Variants in AGMO observed in about 807,000 individuals in gnomAD.
AGMO encodes the protein alkylglycerol monooxygenase, also known as glyceryl-ether monooxygenase.
In AGMO, 75 loss-of-function variants were observed where a neutral mutation model predicts 60.2. The ratio of observed to expected loss-of-function variants is 1.25; its 90% CI spans 1.03 to 1.51. The LOEUF (loss-of-function observed/expected upper bound fraction) is 1.51. Ranked by LOEUF, AGMO falls within the 40% of genes most tolerant of loss-of-function variation. The pLI is 0.00. For synonymous variants in AGMO, 261 were observed against 177.1 expected (o/e 1.47, Z -3.76); for missense variants, 763 against 525.5 (o/e 1.45, Z -4.42).
At chr7:15,536,440 T>C (rs1437683948) in intron 3 of AGMO, among the ~76,000 whole-genome samples, 1 of 152,002 alleles carries the variant, frequency 6.6e-6, no homozygotes, top group Admixed American at 6.6e-5. Flanking sequence ...TCCCATTTGA[T>C]GTTTATGCAT....
the AGMO span, among the ~76,000 whole-genome samples, chr7:15,138,225 A>G: frequency 6.6e-6 from 1 of 152,198 alleles, no homozygotes; most frequent in African/African-American, 2.4e-5. Flanking sequence ...GTTCCTTTCC[A>G]AAGTCCTGGA....
intron 4 of AGMO, among the ~76,000 whole-genome samples, chr7:15,429,251 C>T (rs1158767444): frequency 6.6e-6 from 1 of 151,946 alleles, no homozygotes; most frequent in African/African-American, 2.4e-5. Context: ...CTAAATGTGA[C>T]CTTATTTGGA....
intron 3 of AGMO, among the ~76,000 whole-genome samples, chr7:15,438,612 G>A (rs554682288): frequency 1.3e-5 from 2 of 152,210 alleles, no homozygotes; most frequent in East Asian, 1.9e-4. Context: ...TAAAGAACTC[G>A]TGTGCCTTCT....
At chr7:15,451,666 C>A (rs554073563) in intron 3 of AGMO, among the ~76,000 whole-genome samples, 3 of 151,982 alleles carry the variant, frequency 2.0e-5, no homozygotes, top group Non-Finnish European at 2.9e-5. Flanking sequence ...GGGTTAAAGA[C>A]CTTAGTATAA....
At chr7:15,400,837 T>C (rs1281854934) in intron 5 of AGMO, among the ~76,000 whole-genome samples, 1 of 152,218 alleles carries the variant, frequency 6.6e-6, no homozygotes, top group African/African-American at 2.4e-5. Context: ...TTATTTTATA[T>C]TATCTGAGTT....
chr7:15,276,456 C>G (rs747216630), intron 12 of AGMO, among the ~76,000 whole-genome samples: 1 of 151,938 alleles, frequency 6.6e-6, no homozygotes, highest in Non-Finnish European at 1.5e-5. Context: ...TCTCTAGCTG[C>G]TTTTAAGATT....
intron 3 of AGMO, among the ~76,000 whole-genome samples, chr7:15,518,935 A>T (rs1783902174): frequency 6.6e-6 from 1 of 151,860 alleles, no homozygotes; most frequent in African/African-American, 2.4e-5. Context: ...AAGTTACAGC[A>T]ATTGCTAACT....
At chr7:15,306,423 G>C (rs1294199591) in intron 12 of AGMO, 16 of 432,370 alleles carry the variant, frequency 3.7e-5, no homozygotes, top group Admixed American at 6.3e-5. Context: ...TAGTTTGGTA[G>C]AGAACTGGAT....
the AGMO span, among the ~76,000 whole-genome samples, chr7:15,119,594 A>C: frequency 2.0e-5 from 3 of 152,142 alleles, no homozygotes; most frequent in African/African-American, 4.8e-5. Flanking sequence ...AAGTATATCC[A>C]ATGTATTAAT....
intron 4 of AGMO, among the ~76,000 whole-genome samples, chr7:15,425,614 A>G (rs1257696846): frequency 6.6e-6 from 1 of 151,668 alleles, no homozygotes; most frequent in African/African-American, 2.4e-5. Context: ...AATTTATTTT[A>G]TTTTTTGTAG....
chr7:15,381,141 G>A (rs922715484), intron 10 of AGMO, among the ~76,000 whole-genome samples: 2 of 151,930 alleles, frequency 1.3e-5, no homozygotes, highest in South Asian at 2.1e-4. Context: ...TGATGAAGAC[G>A]CCAAAAACAA....
At chr7:15,312,590 C>A (rs1388152685) in intron 12 of AGMO, among the ~76,000 whole-genome samples, 1 of 151,966 alleles carries the variant, frequency 6.6e-6, no homozygotes, top group African/African-American at 2.4e-5. Context: ...TGGTGGAAAT[C>A]TTTCAAGAAT....
At chr7:15,173,223 G>T in the AGMO span, among the ~76,000 whole-genome samples, 284 of 152,058 alleles carry the variant, frequency 1.9e-3, 1 homozygote, top group African/African-American at 6.4e-3. Flanking sequence ...TAAATTTACT[G>T]AAGTAAATTT....
At chr7:15,526,662 A>G (rs1404554497) in intron 3 of AGMO, among the ~76,000 whole-genome samples, 1 of 152,198 alleles carries the variant, frequency 6.6e-6, no homozygotes, top group Non-Finnish European at 1.5e-5. Context: ...TAAATATTTT[A>G]CAGAGCTTGC....
chr7:15,431,402 A>G (rs1215748085), intron 3 of AGMO, among the ~76,000 whole-genome samples: 1 of 151,898 alleles, frequency 6.6e-6, no homozygotes, highest in East Asian at 1.9e-4. Flanking sequence ...ATACTTTGCT[A>G]ACATATTATA....
At chr7:15,319,750 T>G (rs573205012) in intron 12 of AGMO, among the ~76,000 whole-genome samples, 3 of 152,090 alleles carry the variant, frequency 2.0e-5, no homozygotes, top group Non-Finnish European at 4.4e-5. Context: ...GGCAATGGAA[T>G]AGACTCACTT....
At chr7:15,392,397 G>C (rs1395554757) in intron 6 of AGMO, among the ~76,000 whole-genome samples, 1 of 151,990 alleles carries the variant, frequency 6.6e-6, no homozygotes, top group Non-Finnish European at 1.5e-5. Flanking sequence ...AGAAGGAACT[G>C]CAAGTGTATA....
the AGMO span, among the ~76,000 whole-genome samples, chr7:15,138,559 T>G: frequency 1.3e-5 from 2 of 152,160 alleles, no homozygotes; most frequent in African/African-American, 4.8e-5. Flanking sequence ...ATACATAAAA[T>G]AACCTGAAAG....
chr7:15,512,875 C>CT (rs1323095688), intron 3 of AGMO, among the ~76,000 whole-genome samples: 1 of 151,714 alleles, frequency 6.6e-6, no homozygotes, highest in Non-Finnish European at 1.5e-5. Context: ...TGTATAGTTT[C>CT]TTTCAATCTA....
Sources: allele counts gnomAD v4.1 joint callset (sites outside exome capture counted in the v4.1 genomes callset), GRCh38; gene constraint gnomAD v4.1.1; transcripts MANE v1.5; gene names NCBI Gene and HGNC (gene_info 2026-07-23, HGNC 2026-07-21).